TANC1: variants seen among roughly 807,000 people sequenced by gnomAD.
TANC1 encodes the protein protein TANC1.
Under a neutral mutation model 149.7 loss-of-function variants are expected in TANC1, and 77 were observed. The observed-to-expected ratio is 0.51, with a 90% CI of 0.43 to 0.62. The LOEUF (loss-of-function observed/expected upper bound fraction) is 0.62, where lower values mean the gene tolerates loss of function less well. TANC1 is among the 20% of genes least tolerant of loss of function. The probability of loss-of-function intolerance (pLI) is 0.00; values close to 1 mark genes in which losing one functional copy is unlikely to be tolerated. For missense variants in TANC1, 1,985 were observed against 2,321.8 expected (o/e 0.85, Z 2.98); for synonymous variants, 854 against 925.0 (o/e 0.92, Z 1.39).
At chr2:159,229,278 G>A (rs917896287) in intron 26 of TANC1, among the ~76,000 whole-genome samples, 3 of 152,034 alleles carry the variant, frequency 2.0e-5, no homozygotes, top group Non-Finnish European at 2.9e-5. Flanking sequence ...GTGTTACCAT[G>A]GGATGGTAAC....
rs1036565383 is a variant in TANC1 at position 158,968,742 on chromosome 2, T to C, written c.-166T>C. The C allele has an allele frequency of 9.9e-5, 15 of 151,630 alleles. No individual in the cohort carries two copies. The allele number at this position is 151,630 out of a possible 1,614,324, so 9.4% of individuals were successfully genotyped here. Reference sequence around the variant, plus strand: ...CCTCGCCCCGAGGCCCGGCCCTGGGTGTGGGGAACCGCGCTGAGGAGCTGG... The same window carrying C: ...CCTCGCCCCGAGGCCCGGCCCTGGGCGTGGGGAACCGCGCTGAGGAGCTGG... On this transcript the variant is annotated 5_prime_UTR_variant, in exon 1 of 27. Transcript: ENST00000263635.
chr2:159,043,321 G>A (rs1559164934), intron 2 of TANC1, among the ~76,000 whole-genome samples: 1 of 151,950 alleles, frequency 6.6e-6, no homozygotes, highest in Admixed American at 6.6e-5. Context: ...AGGAACTTAC[G>A]GGCATCCCTG....
intron 2 of TANC1, among the ~76,000 whole-genome samples, chr2:159,025,990 A>G (rs2039309677): frequency 6.6e-6 from 1 of 152,198 alleles, no homozygotes; most frequent in Admixed American, 6.5e-5. Context: ...GCTGGAGTGC[A>G]GTGGCATGAT....
chr2:159,075,597 GAA>G (rs879311546), intron 3 of TANC1, among the ~76,000 whole-genome samples: 10 of 151,838 alleles, frequency 6.6e-5, no homozygotes, highest in Non-Finnish European at 1.5e-4. Flanking sequence ...AAAGAAAATA[GAA>G]AACACTCATA....
rs775324040 is a variant in TANC1 at position 159,229,528 on chromosome 2, G to C, written c.4152-50G>C. 2.1e-6 allele frequency: 3 copies of C among 1,400,610 alleles called. No homozygotes were observed. The Admixed American group carries it at 6.0e-5, about 28-fold the overall frequency. The allele number at this position is 1,400,610 out of a possible 1,614,324, so 86.8% of individuals were successfully genotyped here. ...GCTCTTTTATGAACAGTTACACTCTGAGCATGTTCGTGTGTGGTTTGTAAT... is the reference window on the plus strand; with the variant it reads ...GCTCTTTTATGAACAGTTACACTCTCAGCATGTTCGTGTGTGGTTTGTAAT... On this transcript the variant is annotated intron_variant, in intron 26 of 26. Coordinates refer to ENST00000263635, the MANE Select transcript of TANC1 (RefSeq NM_033394.3).
intron 7 of TANC1, among the ~76,000 whole-genome samples, chr2:159,159,725 A>T (rs552562240): frequency 0.59 from 56,456 of 95,726 alleles, 13,485 homozygotes; most frequent in Non-Finnish European, 0.67. Context: ...TGTGAGAGAG[A>T]GAGAGAGAGA....
chr2:159,016,457 A>G (rs1177000892), intron 2 of TANC1, among the ~76,000 whole-genome samples: 1 of 152,178 alleles, frequency 6.6e-6, no homozygotes, highest in Admixed American at 6.6e-5. Context: ...GGGACACACA[A>G]TTCAACCCTA....
At chr2:159,222,924 G>T (rs938352793) in intron 22 of TANC1, among the ~76,000 whole-genome samples, 1 of 151,820 alleles carries the variant, frequency 6.6e-6, no homozygotes. Context: ...TTGTTTTTTT[G>T]AGTTGGAGTC....
rs534697198 is a variant in TANC1 at position 159,171,449 on chromosome 2, T to C, written c.1351+644T>C. On this transcript the variant is annotated intron_variant, in intron 10 of 26. Coordinates refer to ENST00000263635, the MANE Select transcript of TANC1 (RefSeq NM_033394.3). ...GAGTTTGAGACCAGCTTGGACAACA[T>C]AGGGAGACCTCGTCTCTACAAAAAA... is the stretch of plus-strand genomic sequence containing the variant. Among the ~76,000 whole-genome samples, 71 of 151,486 alleles carry C rather than the reference T, an allele frequency of 4.7e-4. 1 individual carries two copies. Among genetic ancestry groups the C allele is most frequent in the African/African-American group, 1.7e-3 (70 of 41,160 alleles).
chr2:159,034,803 A>T (rs750631153), intron 2 of TANC1, among the ~76,000 whole-genome samples: 2 of 152,228 alleles, frequency 1.3e-5, no homozygotes, highest in Non-Finnish European at 2.9e-5. Flanking sequence ...TTGCTTTAGG[A>T]TTTCTGTGGT....
chr2:159,136,047 T>TGAGTGTGTGTGC, intron 4 of TANC1, 147 bp from the exon 5 acceptor site: 1 of 210,232 alleles, frequency 4.8e-6, no homozygotes. Flanking sequence ...TGTGTGTGTG[T>TGAGTGTGTGTGC]GTGCGCGCGC....
At position 159,196,719 on chromosome 2, in the gene TANC1, C is replaced by G; in HGVS notation, c.3091C>G (p.Gln1031Glu). ...LTCEWSPGPP[Q>E]PGTLRKSHAL... Reference sequence around the variant, plus strand: ...TTGTGAGTGGTCGCCGGGTCCTCCCCAGCCAGGCACCCTGAGGAAGAGCCA... The same window carrying G: ...TTGTGAGTGGTCGCCGGGTCCTCCCGAGCCAGGCACCCTGAGGAAGAGCCA... Residue 1031 changes from glutamine (Q) to glutamate (E), a missense_variant, in exon 18 of 27, where the codon CAG (glutamine) becomes GAG (glutamate). By Grantham distance (29) the Gln-to-Glu change is conservative. Transcript: ENST00000263635. 1 of 1,613,998 alleles carries G rather than the reference C, an allele frequency of 6.2e-7. No individual in the cohort carries two copies. The highest frequency in any genetic ancestry group is 1.1e-5 in the South Asian group (1 of 91,050).
rs547968779 is a variant in TANC1, at chr2:159,037,530, G to T, written c.-15-28366G>T. Among the ~76,000 whole-genome samples the T allele has an allele frequency of 2.1e-4, 32 of 152,248 alleles. 1 individual carries two copies. The highest frequency in any genetic ancestry group is 7.0e-4 in the African/African-American group (29 of 41,554). ...TTTAATCCATCTTGAATTAATTTTT[G>T]TATAGGTATAAGGAAGGGATCCAGT... On this transcript the variant is annotated intron_variant, in intron 2 of 26. Coordinates refer to ENST00000263635, the MANE Select transcript of TANC1 (RefSeq NM_033394.3).
At chr2:159,198,892 C>A in intron 18 of TANC1, 83 bp from the exon 19 acceptor site, 1 of 940,242 alleles carries the variant, frequency 1.1e-6, no homozygotes, top group Non-Finnish European at 1.7e-6. Flanking sequence ...TAAAAAACAA[C>A]ACACTGTCTC....
chr2:159,048,063 A>C (rs1035287905), intron 2 of TANC1, among the ~76,000 whole-genome samples: 1 of 152,156 alleles, frequency 6.6e-6, no homozygotes, highest in African/African-American at 2.4e-5. Context: ...ATCTAGGGTC[A>C]GAGAGCTTGT....
chr2:159,116,532 T>A (rs926335222), intron 4 of TANC1, among the ~76,000 whole-genome samples: 2 of 152,170 alleles, frequency 1.3e-5, no homozygotes, highest in African/African-American at 4.8e-5. Context: ...AGGCAAACTT[T>A]TTCTGTCAAG....
rs544765761 is a variant in TANC1 at position 159,160,011 on chromosome 2, T to A, written c.683-3272T>A. 1.3e-3 allele frequency among the ~76,000 whole-genome samples: 196 copies of A among 152,116 alleles called. 4 individuals carry two copies. The Middle Eastern group carries it at 0.024, about 18-fold the overall frequency. ...TATTATTCAAAAAAAAGAAAAGTGTTTTGGAAGTATTCTACCCCTGTACAC... is the reference window on the plus strand; with the variant it reads ...TATTATTCAAAAAAAAGAAAAGTGTATTGGAAGTATTCTACCCCTGTACAC... On this transcript the variant is annotated intron_variant, in intron 7 of 26. Coordinates refer to ENST00000263635, the MANE Select transcript of TANC1 (RefSeq NM_033394.3).
At chr2:158,983,468 C>CAAAAAAAAAAAAAAAAAAAAAA (rs35472970) in intron 1 of TANC1, among the ~76,000 whole-genome samples, 17 of 88,792 alleles carry the variant, frequency 1.9e-4, no homozygotes, top group African/African-American at 7.4e-4. Context: ...CTCCGTCTCC[C>CAAAAAAAAAAAAAAAAAAAAAA]AAAAAAAAAA....
At chr2:159,013,614 G>T (rs1179426989) in intron 2 of TANC1, among the ~76,000 whole-genome samples, 4 of 152,136 alleles carry the variant, frequency 2.6e-5, no homozygotes, top group African/African-American at 9.7e-5. Flanking sequence ...ACCCCAATGT[G>T]CCTGACACAG....
Sources: gnomAD v4.1 joint callset for allele counts (sites outside exome capture counted in the v4.1 genomes callset) on GRCh38, gnomAD v4.1.1 for gene constraint, MANE v1.5 for transcripts, NCBI Gene and HGNC (gene_info 2026-07-23, HGNC 2026-07-21) for gene names.